Variants in DPP10 observed in about 807,000 individuals in gnomAD.
DPP10 encodes the protein inactive dipeptidyl peptidase 10.
DPP10 carries 33 observed loss-of-function variants against 120.9 expected under a neutral mutation model. The observed-to-expected ratio is 0.27, with a 90% CI of 0.21 to 0.37. The LOEUF (loss-of-function observed/expected upper bound fraction) is 0.37, where lower values mean the gene tolerates loss of function less well. DPP10 is among the 10% of genes least tolerant of loss of function. The pLI, the probability that DPP10 is intolerant of heterozygous loss-of-function variation, is 1.00. For missense variants in DPP10, 816 were observed against 942.8 expected (o/e 0.87, Z 1.76); for synonymous variants, 337 against 326.1 (o/e 1.03, Z -0.36).
At chr2:115,672,132 G>C (rs1264963097) in intron 5 of DPP10, among the ~76,000 whole-genome samples, 1 of 152,128 alleles carries the variant, frequency 6.6e-6, no homozygotes, top group Non-Finnish European at 1.5e-5. Context: ...TGAAAAAGTA[G>C]TACTCATTGA....
At chr2:115,691,210 CTCTTAATGGATCCATT>C (rs1314251887) in intron 7 of DPP10, among the ~76,000 whole-genome samples, 18 of 151,950 alleles carry the variant, frequency 1.2e-4, no homozygotes, top group Admixed American at 2.6e-4. Context: ...ACTTCTCACT[CTCTTAATGGATCCATT>C]TCTACAAACA....
chr2:115,576,580 G>A (rs1281437525), intron 5 of DPP10, among the ~76,000 whole-genome samples: 1 of 152,192 alleles, frequency 6.6e-6, no homozygotes, highest in Non-Finnish European at 1.5e-5. Flanking sequence ...ATGGGAAGAA[G>A]GAGACTGCAT....
intron 1 of DPP10, among the ~76,000 whole-genome samples, chr2:114,790,983 T>C (rs1019132304): frequency 2.0e-5 from 3 of 152,004 alleles, no homozygotes; most frequent in Admixed American, 2.0e-4. Flanking sequence ...AGTGTGACTA[T>C]AGAATATAAG....
intron 5 of DPP10, among the ~76,000 whole-genome samples, chr2:115,678,798 C>T (rs10864943): frequency 0.65 from 98,485 of 152,086 alleles, 33,611 homozygotes; most frequent in East Asian, 0.91. Flanking sequence ...TACTCTAAAG[C>T]CACAGTGGGT....
chr2:114,565,855 G>T (rs942300892), intron 1 of DPP10, among the ~76,000 whole-genome samples: 4 of 152,044 alleles, frequency 2.6e-5, no homozygotes, highest in Non-Finnish European at 5.9e-5. Context: ...AGGCACACAT[G>T]GACACTTAAC....
In DPP10 at chr2:114,639,226, C is replaced by T. The variant is rs148024492; in HGVS notation, c.60+196388C>T. On this transcript the variant is annotated intron_variant, in intron 1 of 25. Coordinates refer to ENST00000410059, the MANE Select transcript of DPP10 (RefSeq NM_020868.6). ...AGGAGCAAAGTCATGTCTTACATGG[C>T]GGCAGGCAAGAGAGTGTGTGCAGAG... 9.9e-4 allele frequency among the ~76,000 whole-genome samples: 151 copies of T among 151,894 alleles called. 4 individuals are homozygous for T. The highest frequency in any genetic ancestry group is 3.3e-3 in the African/African-American group (137 of 41,252).
intron 1 of DPP10, among the ~76,000 whole-genome samples, chr2:114,791,951 A>G (rs1005721312): frequency 2.0e-5 from 3 of 152,188 alleles, no homozygotes; most frequent in African/African-American, 7.2e-5. Context: ...TTCTTCTAGC[A>G]TTTGATGGCA....
At chr2:115,425,026 A>T (rs966472330) in intron 3 of DPP10, among the ~76,000 whole-genome samples, 4 of 152,188 alleles carry the variant, frequency 2.6e-5, no homozygotes, top group African/African-American at 7.2e-5. Flanking sequence ...GAGAATGAAG[A>T]TAGTGCCTCT....
chr2:115,802,862 A>G lies in DPP10; in HGVS notation c.1700+11506A>G, dbSNP rs555445016. 6.2e-3 allele frequency among the ~76,000 whole-genome samples: 939 copies of G among 152,260 alleles called. 14 individuals carry two copies. Among genetic ancestry groups the G allele is most frequent in the African/African-American group, 0.018 (739 of 41,552 alleles). ...TGCTTTACTTCCAACTATGTGGTCA[A>G]TTTTGGAATAGGTGTGGTGTGGTGC... On this transcript the variant is annotated intron_variant, in intron 19 of 25. Transcript: ENST00000410059.
chr2:115,701,216 T>A (rs2091874358), intron 7 of DPP10, among the ~76,000 whole-genome samples: 1 of 152,084 alleles, frequency 6.6e-6, no homozygotes, highest in African/African-American at 2.4e-5. Context: ...CAAAATAGTG[T>A]GACATAAATT....
chr2:115,839,347 G>T (rs900162871), intron 24 of DPP10, among the ~76,000 whole-genome samples: 5 of 152,116 alleles, frequency 3.3e-5, no homozygotes, highest in African/African-American at 4.8e-5. Context: ...TTAAACTATT[G>T]ATAAGGCTGC....
chr2:114,447,316 C>G (rs1405202196), intron 1 of DPP10, among the ~76,000 whole-genome samples: 4 of 151,992 alleles, frequency 2.6e-5, no homozygotes, highest in African/African-American at 7.3e-5. Flanking sequence ...AATTCTATAC[C>G]CCTAACCTAA....
chr2:115,745,967 A>C, intron 9 of DPP10, 119 bp from the exon 10 acceptor site: 1 of 684,494 alleles, frequency 1.5e-6, no homozygotes, highest in Non-Finnish European at 2.3e-6. Context: ...ACTTCAGAGA[A>C]ATTAAACTTT....
At chr2:115,393,905 G>A (rs1052927526) in intron 3 of DPP10, among the ~76,000 whole-genome samples, 1 of 152,158 alleles carries the variant, frequency 6.6e-6, no homozygotes, top group African/African-American at 2.4e-5. Context: ...GAGGTCCATA[G>A]ATGAAACAAT....
intron 15 of DPP10, 103 bp from the exon 16 acceptor site, chr2:115,780,771 C>T (rs1184844042): frequency 2.1e-5 from 23 of 1,087,966 alleles, no homozygotes; most frequent in South Asian, 4.7e-5. Flanking sequence ...ATGCAAGCAC[C>T]GATGTAACTC....
chr2:115,011,973 G>T (rs1702297159), intron 1 of DPP10, among the ~76,000 whole-genome samples: 1 of 152,110 alleles, frequency 6.6e-6, no homozygotes. Flanking sequence ...CTTTAGGACT[G>T]CAGGCTGCTG....
At chr2:114,772,661 C>A (rs1262379480) in intron 1 of DPP10, among the ~76,000 whole-genome samples, 1 of 148,310 alleles carries the variant, frequency 6.7e-6, no homozygotes, top group Non-Finnish European at 1.5e-5. Flanking sequence ...CCACCTCATA[C>A]CTTTTTTTTT....
chr2:115,231,602 T>C (rs2057737535), intron 1 of DPP10, among the ~76,000 whole-genome samples: 1 of 152,184 alleles, frequency 6.6e-6, no homozygotes, highest in Non-Finnish European at 1.5e-5. Context: ...CAAGGATCCC[T>C]AGTTTCAATA....
intron 1 of DPP10, among the ~76,000 whole-genome samples, chr2:114,848,054 G>A (rs1031974330): frequency 2.4e-4 from 36 of 152,140 alleles, no homozygotes; most frequent in Non-Finnish European, 2.9e-5. Flanking sequence ...AAGCCCTAAG[G>A]GGTCAAGGAA....
Sources: gnomAD v4.1 joint callset for allele counts (sites outside exome capture counted in the v4.1 genomes callset) on GRCh38, gnomAD v4.1.1 for gene constraint, MANE v1.5 for transcripts, NCBI Gene and HGNC (gene_info 2026-07-23, HGNC 2026-07-21) for gene names.